The following SMOC1 variants were observed in gnomAD, a reference collection of about 807,000 sequenced individuals.
The protein encoded by SMOC1 is SPARC-related modular calcium-binding protein 1.
A neutral mutation model predicts 56.3 loss-of-function variants in SMOC1; 22 were observed. The ratio of observed to expected loss-of-function variants is 0.39; its 90% CI spans 0.28 to 0.56. The LOEUF (loss-of-function observed/expected upper bound fraction) is 0.56. SMOC1 is among the 20% of genes least tolerant of loss of function. The pLI is 0.61. For synonymous variants in SMOC1, 193 were observed against 215.0 expected, an observed-to-expected ratio of 0.90 and a Z score of 0.89; for missense variants, 509 against 565.4, an observed-to-expected ratio of 0.90 and a Z score of 1.01.
intron 3 of SMOC1, among the ~76,000 whole-genome samples, chr14:69,964,475 T>C (rs1653336599): frequency 6.6e-6 from 1 of 151,854 alleles, no homozygotes; most frequent in South Asian, 2.1e-4. Context: ...CCTCCTGGGT[T>C]CACGCCATTC....
intron 7 of SMOC1, among the ~76,000 whole-genome samples, chr14:70,006,505 G>A (rs1885152319): frequency 6.6e-6 from 1 of 152,186 alleles, no homozygotes; most frequent in Non-Finnish European, 1.5e-5. Context: ...TAATTGATTG[G>A]TTGACTGAAG....
chr14:70,027,158 C>G (rs1885958028), intron 11 of SMOC1, among the ~76,000 whole-genome samples: 1 of 152,202 alleles, frequency 6.6e-6, no homozygotes, highest in Admixed American at 6.5e-5. Flanking sequence ...TGTGGGTCCT[C>G]TAGTCCATTT....
intron 5 of SMOC1, among the ~76,000 whole-genome samples, chr14:69,979,097 G>A (rs182306240): frequency 1.8e-4 from 28 of 152,232 alleles, no homozygotes; most frequent in East Asian, 5.8e-4. Flanking sequence ...CAGGGCCCAC[G>A]TGGAGCCTTG....
chr14:69,961,318 A>ATATATATC (rs1594825034), intron 3 of SMOC1, among the ~76,000 whole-genome samples: 3 of 114,372 alleles, frequency 2.6e-5, no homozygotes, highest in East Asian at 2.4e-4. Flanking sequence ...ATATATATAT[A>ATATATATC]TCCTGTTTTA....
At chr14:69,951,872 T>G (rs779816676) in intron 1 of SMOC1, among the ~76,000 whole-genome samples, 4 of 152,248 alleles carry the variant, frequency 2.6e-5, no homozygotes, top group African/African-American at 4.8e-5. Flanking sequence ...AGGGTTGTTG[T>G]GAGGACTGAG....
At chr14:69,994,350 A>G (rs750661150) in intron 6 of SMOC1, 50 bp from the exon 7 acceptor site, 4 of 1,427,340 alleles carry the variant, frequency 2.8e-6, no homozygotes, top group Admixed American at 1.7e-5. Context: ...ACTTCCACTC[A>G]CATAGTCTCT....
In SMOC1 at chr14:69,943,813, G is replaced by A. The variant is rs572217788; in HGVS notation, c.100-8325G>A. Among the ~76,000 whole-genome samples, 9 of 152,246 alleles carry A rather than the reference G, an allele frequency of 5.9e-5. No homozygotes were observed. The East Asian group carries it at 1.7e-3, about 29-fold the overall frequency. On this transcript the variant is annotated intron_variant, in intron 1 of 11. Coordinates refer to ENST00000361956, the MANE Select transcript of SMOC1 (RefSeq NM_001034852.3). ...CTTGGGAGAGCTCTTTTTGCTTCTGGTGCCCTTCTCCTCTTCTGTTCTCCT... is the reference window on the plus strand; with the variant it reads ...CTTGGGAGAGCTCTTTTTGCTTCTGATGCCCTTCTCCTCTTCTGTTCTCCT...
intron 2 of SMOC1, among the ~76,000 whole-genome samples, chr14:69,952,980 G>A (rs1489731619): frequency 6.6e-6 from 1 of 152,068 alleles, no homozygotes; most frequent in Non-Finnish European, 1.5e-5. Context: ...TTGTGACCCC[G>A]GACTGCTTAG....
chr14:69,967,926 T>TGGAA (rs1883629252), intron 3 of SMOC1, among the ~76,000 whole-genome samples: 1 of 152,230 alleles, frequency 6.6e-6, no homozygotes, highest in Non-Finnish European at 1.5e-5. Flanking sequence ...CAGCTCATGC[T>TGGAA]AGACAGACCA....
rs567680516 is a variant in SMOC1, at chr14:69,966,821, C to A, written c.379-8894C>A. ...GGGAATTATAGAATCCACAGAAAGA[C>A]TTGAAGATGAGCACCATTATATCCT... On this transcript the variant is annotated intron_variant, in intron 3 of 11. Coordinates refer to ENST00000361956, the MANE Select transcript of SMOC1 (RefSeq NM_001034852.3). Among the ~76,000 whole-genome samples the A allele has an allele frequency of 1.1e-4, 17 of 152,342 alleles. No individual in the cohort carries two copies. The South Asian group carries it at 3.1e-3, about 28-fold the overall frequency.
At chr14:69,906,233 G>A (rs1244345477) in intron 1 of SMOC1, among the ~76,000 whole-genome samples, 1 of 152,184 alleles carries the variant, frequency 6.6e-6, no homozygotes, top group Non-Finnish European at 1.5e-5. Flanking sequence ...GACTCCACTG[G>A]AGGTGCTGCT....
At chr14:70,013,123 C>T (rs1885397459) in intron 9 of SMOC1, among the ~76,000 whole-genome samples, 2 of 152,192 alleles carry the variant, frequency 1.3e-5, no homozygotes, top group Non-Finnish European at 2.9e-5. Flanking sequence ...TAGCGTTTAA[C>T]ATGGTGCCTG....
chr14:69,920,155 A>C (rs1445700759), intron 1 of SMOC1, among the ~76,000 whole-genome samples: 1 of 152,108 alleles, frequency 6.6e-6, no homozygotes, highest in African/African-American at 2.4e-5. Context: ...GTGCCCCTGC[A>C]CTCGGGACAA....
chr14:69,950,967 C>T (rs762523656), intron 1 of SMOC1, among the ~76,000 whole-genome samples: 7 of 152,154 alleles, frequency 4.6e-5, no homozygotes, highest in African/African-American at 7.2e-5. Flanking sequence ...ACTTTGGGGT[C>T]TCTCATGCAA....
At chr14:69,915,284 C>T (rs1453862149) in intron 1 of SMOC1, among the ~76,000 whole-genome samples, 1 of 152,188 alleles carries the variant, frequency 6.6e-6, no homozygotes, top group Non-Finnish European at 1.5e-5. Flanking sequence ...TTCAGGTTAC[C>T]ATTACTGTAT....
chr14:70,030,455 C>A lies in SMOC1; in HGVS notation c.*197C>A. 1.8e-6 allele frequency: 1 copy of A among 548,118 alleles called. No homozygotes were observed. The highest frequency in any genetic ancestry group is 3.1e-6 in the Non-Finnish European group (1 of 320,954). The allele number at this position is 548,118 out of a possible 1,614,324, so 34.0% of individuals were successfully genotyped here. A position where few individuals can be genotyped will look rare whatever the true frequency, so the allele number is the denominator to read the frequency against. ...TTTAAAACACCAATATCTAATACCA[C>A]AGTGGGAAAAGGAAAGGGAAGAAAG... On this transcript the variant is annotated 3_prime_UTR_variant, in exon 12 of 12. Transcript: ENST00000361956.
intron 3 of SMOC1, among the ~76,000 whole-genome samples, chr14:69,972,686 G>A (rs78381647): frequency 0.086 from 13,120 of 152,186 alleles, 721 homozygotes; most frequent in African/African-American, 0.15. Flanking sequence ...GATACAATGG[G>A]CACACTCAGT....
intron 10 of SMOC1, among the ~76,000 whole-genome samples, chr14:70,013,834 G>A (rs866229222): frequency 2.2e-4 from 33 of 152,190 alleles, no homozygotes; most frequent in Admixed American, 3.3e-4. Flanking sequence ...GTTATATCAT[G>A]GGAACAGGGA....
intron 1 of SMOC1, among the ~76,000 whole-genome samples, chr14:69,898,905 G>C (rs1170263486): frequency 6.6e-6 from 1 of 152,064 alleles, no homozygotes; most frequent in South Asian, 2.1e-4. Context: ...AGGACTTGTG[G>C]TAAATAGGCC....
Sources: gnomAD v4.1 joint callset for allele counts (sites outside exome capture counted in the v4.1 genomes callset) on GRCh38, gnomAD v4.1.1 for gene constraint, MANE v1.5 for transcripts, NCBI Gene and HGNC (gene_info 2026-07-23, HGNC 2026-07-21) for gene names.